Variants in TLK1 observed in about 807,000 individuals in gnomAD.
The protein encoded by TLK1 is serine/threonine-protein kinase tousled-like 1.
A neutral mutation model predicts 105.3 loss-of-function variants in TLK1; 24 were observed. That is an observed-to-expected ratio of 0.23 (90% CI 0.17 to 0.32). TLK1 has a LOEUF of 0.32. TLK1 is among the 10% of genes least tolerant of loss of function. The pLI, the probability that TLK1 is intolerant of heterozygous loss-of-function variation, is 1.00. For synonymous variants in TLK1, 321 were observed against 310.4 expected (o/e 1.03, Z -0.36); for missense variants, 558 against 910.5 (o/e 0.61, Z 4.98).
chr2:170,995,765 C>T (rs1285643085), intron 20 of TLK1, among the ~76,000 whole-genome samples: 1 of 152,074 alleles, frequency 6.6e-6, no homozygotes, highest in African/African-American at 2.4e-5. Context: ...TGCAGTGGTG[C>T]GATCTCACCT....
intron 2 of TLK1, among the ~76,000 whole-genome samples, chr2:171,100,915 C>T (rs1689662467): frequency 6.6e-6 from 1 of 152,158 alleles, no homozygotes; most frequent in African/African-American, 2.4e-5. Flanking sequence ...ACGGAAACAA[C>T]CACCCAATGT....
At chr2:170,994,907 CCTTT>C (rs1380702996) in intron 20 of TLK1, among the ~76,000 whole-genome samples, 2 of 152,038 alleles carry the variant, frequency 1.3e-5, no homozygotes, top group African/African-American at 4.8e-5. Flanking sequence ...TAATTGTTTC[CCTTT>C]CTTAATGCTG....
At position 170,993,601 on chromosome 2, in the gene TLK1, T is replaced by C; in HGVS notation, c.*179A>G. 2.1e-6 allele frequency: 1 copy of C among 482,710 alleles called. No individual in the cohort carries two copies. Among genetic ancestry groups the C allele is most frequent in the Non-Finnish European group, 3.4e-6 (1 of 295,816 alleles). 29.9% of individuals were successfully genotyped at this position (482,710 alleles called of 1,614,324 possible). On this transcript the variant is annotated 3_prime_UTR_variant, in exon 21 of 21. Transcript: ENST00000431350. ...GTGTGCATTTATTCATTGTCCATGA[T>C]CCTCTCTCATACAAATGACACTATG... is the stretch of plus-strand genomic sequence containing the variant.
chr2:171,124,090 T>C (rs141271891), intron 1 of TLK1, among the ~76,000 whole-genome samples: 96 of 152,332 alleles, frequency 6.3e-4, no homozygotes, highest in Admixed American at 9.8e-4. Flanking sequence ...TTTTGAAATA[T>C]GGAACTTTCT....
At chr2:171,009,291 C>CTTTTTTTTTTTTTTT (rs71008743) in intron 14 of TLK1, among the ~76,000 whole-genome samples, 1 of 74,832 alleles carries the variant, frequency 1.3e-5, no homozygotes, top group African/African-American at 6.1e-5. Flanking sequence ...ATTTCTTTTC[C>CTTTTTTTTTTTTTTT]TTTTTTTTTT....
Position 171,223,481 on chromosome 2 carries a change from C to CTTTTTTT in TLK1, c.-6+7657_-6+7663dup, listed in dbSNP as rs71013025. On this transcript the variant is annotated intron_variant, in intron 1 of 20. Transcript: ENST00000521943. Reference sequence around the variant, plus strand: ...TAAATGTCTATTCAGGTATTTTGCACTTTTTTTTTTTTTTTTTGGAAGGAC... The same window carrying CTTTTTTT: ...TAAATGTCTATTCAGGTATTTTGCACTTTTTTTTTTTTTTTTTTTTTTTTGGAAGGAC... Among the ~76,000 whole-genome samples the CTTTTTTT allele has an allele frequency of 3.1e-5, 4 of 127,008 alleles. 1 individual carries two copies. The highest frequency in any genetic ancestry group is 1.2e-4 in the African/African-American group (4 of 32,824). 83.3% of individuals were successfully genotyped at this position (127,008 alleles called of 152,430 possible).
intron 1 of TLK1, among the ~76,000 whole-genome samples, chr2:171,152,493 A>T (rs1692081133): frequency 1.3e-5 from 2 of 151,954 alleles, no homozygotes; most frequent in African/African-American, 4.9e-5. Flanking sequence ...TTTGCTATAT[A>T]ATACATGCTA....
intron 1 of TLK1, among the ~76,000 whole-genome samples, chr2:171,147,777 T>C (rs1052252671): frequency 6.6e-6 from 1 of 152,230 alleles, no homozygotes; most frequent in Non-Finnish European, 1.5e-5. Flanking sequence ...TCTTAGTGCC[T>C]GTAATTTTCT....
intron 1 of TLK1, among the ~76,000 whole-genome samples, chr2:171,137,627 T>C (rs992248823): frequency 4.6e-5 from 7 of 152,062 alleles, no homozygotes; most frequent in Admixed American, 2.0e-4. Flanking sequence ...CGTGGGCGGA[T>C]TGCCTGAGCT....
At chr2:171,084,028 C>A (rs1467410921) in intron 2 of TLK1, among the ~76,000 whole-genome samples, 1 of 152,030 alleles carries the variant, frequency 6.6e-6, no homozygotes, top group East Asian at 1.9e-4. Flanking sequence ...ACCAAAAACC[C>A]ACAGACTGTA....
intron 1 of TLK1, among the ~76,000 whole-genome samples, chr2:171,149,881 T>G (rs1388185401): frequency 6.6e-6 from 1 of 151,858 alleles, no homozygotes; most frequent in African/African-American, 2.4e-5. Flanking sequence ...TGCTCCAGCC[T>G]GGGTGACAAA....
chr2:171,211,044 G>A (rs890086766), intron 1 of TLK1, among the ~76,000 whole-genome samples: 6 of 152,148 alleles, frequency 3.9e-5, no homozygotes, highest in East Asian at 1.9e-4. Context: ...TGATCTTTGC[G>A]GTGACATCCT....
intron 8 of TLK1, among the ~76,000 whole-genome samples, chr2:171,051,274 T>C (rs553777000): frequency 6.6e-6 from 1 of 152,282 alleles, no homozygotes; most frequent in Non-Finnish European, 1.5e-5. Flanking sequence ...TACATAACTA[T>C]GATCACCCAA....
intron 1 of TLK1, among the ~76,000 whole-genome samples, chr2:171,159,280 A>G (rs1692356309): frequency 6.6e-6 from 1 of 152,246 alleles, no homozygotes; most frequent in South Asian, 2.1e-4. Flanking sequence ...AATACCGCTA[A>G]GCTTTTTCCA....
intron 1 of TLK1, among the ~76,000 whole-genome samples, chr2:171,157,468 A>G (rs1407896172): frequency 2.0e-5 from 3 of 152,228 alleles, no homozygotes; most frequent in African/African-American, 4.8e-5. Flanking sequence ...CCTCTAACAG[A>G]ACCACAAGAC....
At chr2:171,001,995 TCTCGATCTCTTGAC>T (rs1684399947) in intron 18 of TLK1, among the ~76,000 whole-genome samples, 1 of 152,060 alleles carries the variant, frequency 6.6e-6, no homozygotes, top group African/African-American at 2.4e-5. Context: ...GCCAGGATGG[TCTCGATCTCTTGAC>T]CTCATGATCC....
chr2:171,021,333 C>A (rs1389726616), intron 12 of TLK1, among the ~76,000 whole-genome samples: 3 of 152,084 alleles, frequency 2.0e-5, no homozygotes, highest in African/African-American at 7.2e-5. Flanking sequence ...CAACACTAAC[C>A]AAGGGGCTGA....
rs1394691834 is a variant in TLK1, at chr2:170,996,682, C to T, written c.2095G>A (p.Val699Ile). The change falls in exon 20 of 21, where the codon GTA (valine) becomes ATA (isoleucine). Residue 699 changes from valine to isoleucine, a missense_variant. By Grantham distance (29) the Val-to-Ile change is conservative. Transcript: ENST00000431350. ...GCTTCACTGCTTACAACCGGTTTTA[C>T]AGGGAACTGGACTTCTGTGGCTTTT... is the stretch of plus-strand genomic sequence containing the variant. ...ILKATEVQFP[V>I]KPVVSSEAKA... 6.2e-7 allele frequency: 1 copy of T among 1,613,674 alleles called. No individual in the cohort carries two copies. The highest frequency in any genetic ancestry group is 8.5e-7 in the Non-Finnish European group (1 of 1,179,832).
At chr2:171,208,474 G>A (rs542241313) in intron 1 of TLK1, among the ~76,000 whole-genome samples, 1 of 152,226 alleles carries the variant, frequency 6.6e-6, no homozygotes, top group East Asian at 1.9e-4. Flanking sequence ...CATTATAAGA[G>A]TGGAGAGTTC....
Sources: gnomAD v4.1 joint callset for allele counts (sites outside exome capture counted in the v4.1 genomes callset) on GRCh38, gnomAD v4.1.1 for gene constraint, MANE v1.5 for transcripts, NCBI Gene and HGNC (gene_info 2026-07-23, HGNC 2026-07-21) for gene names.